NECTIN3: variants seen among roughly 807,000 people sequenced by gnomAD.
NECTIN3 encodes the protein nectin-3.
A neutral mutation model predicts 49.4 loss-of-function variants in NECTIN3; 8 were observed. The ratio of observed to expected loss-of-function variants is 0.16; its 90% CI spans 0.10 to 0.29. The LOEUF is 0.29. Ranked by LOEUF, NECTIN3 falls within the 10% of genes least tolerant of loss-of-function variation. The pLI is 1.00. For synonymous variants in NECTIN3, 277 were observed against 241.1 expected (o/e 1.15, Z -1.38); for missense variants, 581 against 654.6 (o/e 0.89, Z 1.23).
intron 7 of NECTIN3, among the ~76,000 whole-genome samples, chr3:111,175,434 A>G (rs952432652): frequency 1.3e-5 from 2 of 151,764 alleles, no homozygotes; most frequent in Non-Finnish European, 2.9e-5. Context: ...AAGTAAAAGC[A>G]TAGAAAGGCC....
intron 5 of NECTIN3, among the ~76,000 whole-genome samples, chr3:111,129,722 C>A (rs1276213531): frequency 1.3e-5 from 2 of 151,574 alleles, no homozygotes; most frequent in Non-Finnish European, 2.9e-5. Flanking sequence ...TATCTTGGCT[C>A]ACTGCAACCT....
rs1043657299 is a variant in NECTIN3, at chr3:111,071,832, T to A, written c.-186T>A. ...TCCCGCTTCAGCCTCGGCAGTGGCG[T>A]CGGCGACGGCGGTGTCGAGGCAGCC... On this transcript the variant is annotated 5_prime_UTR_variant, in exon 1 of 6. Transcript: ENST00000485303. The A allele has an allele frequency of 5.3e-6, 2 of 376,256 alleles. No individual in the cohort carries two copies. The highest frequency in any genetic ancestry group is 9.2e-6 in the Non-Finnish European group (2 of 216,494). The allele number at this position is 376,256 out of a possible 1,614,324, so 23.3% of individuals were successfully genotyped here.
At chr3:111,188,321 TGTGTTGG>T (rs2035757234), upstream of NECTIN3, among the ~76,000 whole-genome samples, 1 of 152,154 alleles carries the variant, frequency 6.6e-6, no homozygotes, top group Non-Finnish European at 1.5e-5. Flanking sequence ...TTTTCTAGGG[TGTGTTGG>T]GTCCTTGTCT....
chr3:111,080,368 G>C (rs557309692), intron 1 of NECTIN3, among the ~76,000 whole-genome samples: 1 of 151,972 alleles, frequency 6.6e-6, no homozygotes, highest in African/African-American at 2.4e-5. Context: ...TAAGTAGCTG[G>C]TGAAATTTGT....
intron 1 of NECTIN3, among the ~76,000 whole-genome samples, chr3:111,095,137 A>G (rs1047604899): frequency 6.6e-6 from 1 of 152,198 alleles, no homozygotes; most frequent in African/African-American, 2.4e-5. Flanking sequence ...CTTAAAAGTC[A>G]TAGGTCATAG....
intron 7 of NECTIN3, among the ~76,000 whole-genome samples, chr3:111,184,149 T>C (rs1375174072): frequency 3.9e-5 from 6 of 152,170 alleles, no homozygotes; most frequent in African/African-American, 1.4e-4. Context: ...CTTTTTCCAT[T>C]TCAGATATTG....
At chr3:111,182,205 C>T (rs1427162659) in intron 7 of NECTIN3, among the ~76,000 whole-genome samples, 1 of 151,974 alleles carries the variant, frequency 6.6e-6, no homozygotes, top group Non-Finnish European at 1.5e-5. Flanking sequence ...ATCTGTTTCA[C>T]TTCAATCTTT....
rs755265036 is a variant in NECTIN3 at position 111,134,180 on chromosome 3, GGTTCC to G, written c.1618_1622del (p.Ser540AsnfsTer25). 6.2e-7 allele frequency: 1 copy of G among 1,608,444 alleles called. No individual in the cohort carries two copies. Among genetic ancestry groups the G allele is most frequent in the Non-Finnish European group, 8.5e-7 (1 of 1,177,760 alleles). On this transcript the variant is annotated frameshift_variant, in exon 6 of 6. Transcript: ENST00000485303. LOFTEE classifies it high-confidence loss of function. ...AGATGACTTAGTTTCACATGTAGAT[GGTTCC>G]GTAATTTCCAGGAGGGAGTGGTATG...
chr3:111,188,121 A>C (rs551018492), upstream of NECTIN3, among the ~76,000 whole-genome samples: 1 of 152,340 alleles, frequency 6.6e-6, no homozygotes, highest in East Asian at 1.9e-4. Context: ...AAATAAAAAG[A>C]GACGCTAGTT....
At chr3:111,125,849 G>A (rs2034143517) in intron 4 of NECTIN3, among the ~76,000 whole-genome samples, 1 of 152,042 alleles carries the variant, frequency 6.6e-6, no homozygotes, top group Admixed American at 6.6e-5. Flanking sequence ...TTGTATGTAT[G>A]TCTTCAAATA....
intron 5 of NECTIN3, among the ~76,000 whole-genome samples, chr3:111,132,244 G>C (rs76258321): frequency 0.019 from 2,886 of 150,874 alleles, 85 homozygotes; most frequent in African/African-American, 0.065. Context: ...TACTTGACAG[G>C]GTTACCTGTT....
intron 1 of NECTIN3, 72 bp downstream of exon 1, chr3:111,072,249 T>C (rs1252924076): frequency 6.7e-7 from 1 of 1,483,768 alleles, no homozygotes; most frequent in African/African-American, 1.4e-5. Flanking sequence ...CGGCCGGCTC[T>C]GCCAGCCGTT....
intron 1 of NECTIN3, among the ~76,000 whole-genome samples, chr3:111,101,483 T>C (rs1206301165): frequency 6.6e-6 from 1 of 152,188 alleles, no homozygotes; most frequent in Admixed American, 6.5e-5. Flanking sequence ...TAAGTTATTA[T>C]AGAAACGTAA....
chr3:111,154,035 TA>T (rs1339743065), intron 7 of NECTIN3, among the ~76,000 whole-genome samples: 1 of 152,176 alleles, frequency 6.6e-6, no homozygotes, highest in Non-Finnish European at 1.5e-5. Flanking sequence ...ATTAAGAATG[TA>T]AATTTGATAT....
At chr3:111,169,181 G>T (rs192267069) in intron 7 of NECTIN3, among the ~76,000 whole-genome samples, 6 of 138,682 alleles carry the variant, frequency 4.3e-5, no homozygotes, top group African/African-American at 1.4e-4. Flanking sequence ...GCTCCACCTC[G>T]TGGGTTCACG....
intron 1 of NECTIN3, among the ~76,000 whole-genome samples, chr3:111,104,447 A>G (rs1271434826): frequency 6.6e-6 from 1 of 150,866 alleles, no homozygotes; most frequent in Non-Finnish European, 1.5e-5. Flanking sequence ...CAGACTCCTG[A>G]ATAGCTGGGA....
chr3:111,158,290 G>A (rs537802041), intron 7 of NECTIN3, among the ~76,000 whole-genome samples: 37 of 152,080 alleles, frequency 2.4e-4, no homozygotes, highest in Admixed American at 6.5e-4. Flanking sequence ...AATGAGATTC[G>A]TTAAAGGCCT....
chr3:111,121,147 C>T (rs1187913661), intron 3 of NECTIN3, among the ~76,000 whole-genome samples: 3 of 150,882 alleles, frequency 2.0e-5, no homozygotes, highest in Admixed American at 2.0e-4. Context: ...GGACTACAGG[C>T]ACCCGCCATC....
At chr3:111,103,207 A>G (rs1018304933) in intron 1 of NECTIN3, among the ~76,000 whole-genome samples, 47 of 152,270 alleles carry the variant, frequency 3.1e-4, no homozygotes, top group Admixed American at 2.4e-3. Flanking sequence ...TTTGATTGGA[A>G]TGTTGTTGAA....
Sources: gnomAD v4.1 joint callset for allele counts (sites outside exome capture counted in the v4.1 genomes callset) on GRCh38, gnomAD v4.1.1 for gene constraint, MANE v1.5 for transcripts, NCBI Gene and HGNC (gene_info 2026-07-23, HGNC 2026-07-21) for gene names.